The following SLC17A4 variants were observed in gnomAD, a reference collection of about 807,000 sequenced individuals.
SLC17A4 encodes the protein solute carrier family 17 member 4.
SLC17A4 carries 33 observed loss-of-function variants against 52.5 expected under a neutral mutation model. The observed-to-expected ratio is 0.63, with a 90% CI of 0.48 to 0.84. The LOEUF (loss-of-function observed/expected upper bound fraction) is 0.84. Among genes scored for constraint, SLC17A4 ranks in the 40% least tolerant of loss-of-function variants. The pLI, the probability that SLC17A4 is intolerant of heterozygous loss-of-function variation, is 0.00. For missense variants in SLC17A4, 585 were observed against 597.1 expected, an observed-to-expected ratio of 0.98 and a Z score of 0.21; for synonymous variants, 225 against 216.2, an observed-to-expected ratio of 1.04 and a Z score of -0.36.
Position 25,768,992 on chromosome 6 carries a change from T to C in SLC17A4, c.99T>C (p.Cys33=). Residue 33 remains cysteine (C), a synonymous_variant, in exon 3 of 12, where the codon TGT becomes TGC. Coordinates refer to ENST00000377905, the MANE Select transcript of SLC17A4 (RefSeq NM_005495.3). ...AQEECSRKGF[C]SVRHGLALIL... The stretch of plus-strand genomic sequence containing the variant: ...ATGCCCTTTTCCTCTCAGGTTTTTG[T>C]TCAGTCCGACATGGGCTGGCCCTCA... The C allele has an allele frequency of 6.2e-7, 1 of 1,614,040 alleles. No homozygotes were observed.
chr6:25,773,358 G>C lies in SLC17A4; in HGVS notation c.790G>C (p.Glu264Gln). 6.2e-7 allele frequency: 1 copy of C among 1,613,924 alleles called. No individual in the cohort carries two copies. The highest frequency in any genetic ancestry group is 1.1e-5 in the South Asian group (1 of 91,064). The change falls in exon 7 of 12, where the codon GAG (glutamate) becomes CAG (glutamine). Residue 264 changes from glutamate to glutamine, a missense_variant. Physicochemically the swap from Glu to Gln is conservative, Grantham distance 29. Coordinates refer to ENST00000377905, the MANE Select transcript of SLC17A4 (RefSeq NM_005495.3). ...GAATCATCCCTTTATCAGTGCTGGT[G>C]AGAAGAGATACATTGTGTGTTCATT... The part of the protein sequence containing the change: ...PVNHPFISAG[E>Q]KRYIVCSLAQ...
chr6:25,760,164 G>A (rs983365080), intron 1 of SLC17A4, among the ~76,000 whole-genome samples: 1 of 152,144 alleles, frequency 6.6e-6, no homozygotes, highest in African/African-American at 2.4e-5. Context: ...ATAGGATCTG[G>A]TTCTTTTAAT....
intron 1 of SLC17A4, among the ~76,000 whole-genome samples, chr6:25,758,737 A>G (rs572898811): frequency 2.0e-5 from 1 of 50,602 alleles, no homozygotes; most frequent in East Asian, 3.4e-3. Flanking sequence ...TTTTCAAAGA[A>G]CCAGCTTTTT....
At chr6:25,775,387 C>T (rs1319331437) in intron 8 of SLC17A4, among the ~76,000 whole-genome samples, 1 of 151,770 alleles carries the variant, frequency 6.6e-6, no homozygotes, top group Non-Finnish European at 1.5e-5. Flanking sequence ...CCTAATCTGC[C>T]CTGTCCTCCC....
At chr6:25,769,981 C>A in intron 3 of SLC17A4, 86 bp from the exon 4 acceptor site, 1 of 1,119,014 alleles carries the variant, frequency 8.9e-7, no homozygotes, top group Non-Finnish European at 1.3e-6. Context: ...AGATAACTGC[C>A]AATTAATTTT....
chr6:25,779,125 C>T lies in SLC17A4; in HGVS notation c.1431C>T (p.Tyr477=), dbSNP rs760896820. The change falls in exon 12 of 12, where the codon TAC becomes TAT. Residue 477 remains tyrosine, a synonymous_variant. Transcript: ENST00000377905. ...TTAACATATCGGGCCTGGTTTTCTA[C>T]CTCATCTTTGGCCGAGCAGATGTGC... ...AAVNISGLVF[Y]LIFGRADVQD... The T allele has an allele frequency of 6.2e-7, 1 of 1,613,946 alleles. No homozygotes were observed. The highest frequency in any genetic ancestry group is 2.2e-5 in the East Asian group (1 of 44,882).
rs1316663938 is a variant in SLC17A4, at chr6:25,773,342, C to A, written c.774C>A (p.Pro258=). The A allele has an allele frequency of 6.2e-7, 1 of 1,613,876 alleles. No homozygotes were observed. The highest frequency in any genetic ancestry group is 8.5e-7 in the Non-Finnish European group (1 of 1,179,916). The change falls in exon 7 of 12, where the codon CCC becomes CCA. Residue 258 remains proline, a synonymous_variant. Coordinates refer to ENST00000377905, the MANE Select transcript of SLC17A4 (RefSeq NM_005495.3). ...TTTATGATGATCCTGTGAATCATCC[C>A]TTTATCAGTGCTGGTGAGAAGAGAT... The part of the protein sequence containing the change: ...PLIYDDPVNH[P]FISAGEKRYI...
intron 2 of SLC17A4, among the ~76,000 whole-genome samples, chr6:25,764,945 A>G (rs1761881496): frequency 6.6e-6 from 1 of 152,238 alleles, no homozygotes; most frequent in Admixed American, 6.5e-5. Context: ...TACAGTAGTT[A>G]GCTTCCCTTG....
chr6:25,768,942 A>G, intron 2 of SLC17A4, 43 bp from the exon 3 acceptor site: 1 of 1,574,836 alleles, frequency 6.3e-7, no homozygotes, highest in Non-Finnish European at 8.7e-7. Context: ...AGAGTGGGAG[A>G]AAAGCATTCT....
rs760216618 is a variant in SLC17A4 at position 25,776,958 on chromosome 6, C to T, written c.1267C>T (p.Arg423Trp). The T allele has an allele frequency of 8.7e-6, 14 of 1,608,696 alleles. No individual in the cohort carries two copies. The Middle Eastern group carries it at 5.0e-4, about 57-fold the overall frequency. Residue 423 changes from arginine to tryptophan, a missense_variant and splice_region_variant, in exon 10 of 12, where the codon CGG (arginine) becomes TGG (tryptophan). Physicochemically the swap from Arg to Trp is moderately radical, Grantham distance 101. Transcript: ENST00000377905. ...TGTTAACTTCTTGGATATTGCTCCT[C>T]GGTAGGGACCTCTTTTGCCTCATCC... The part of the protein sequence containing the change: ...ALVNFLDIAP[R>W]YTGFLKGLLQ...
chr6:25,771,578 GAA>G (rs66832906), intron 6 of SLC17A4, among the ~76,000 whole-genome samples: 3 of 148,788 alleles, frequency 2.0e-5, no homozygotes, highest in Non-Finnish European at 4.5e-5. Flanking sequence ...TGTCTCAAGA[GAA>G]AAAAAAAAAG....
At position 25,773,638 on chromosome 6, in the gene SLC17A4, G is replaced by T. The variant is rs146741384; in HGVS notation, c.951G>T (p.Thr317=). Residue 317 remains threonine (T), a synonymous_variant, in exon 8 of 12, where the codon ACG becomes ACT. Transcript: ENST00000377905. ...ATACCATTATGGCGTACACACCAACGTACATCAGCTCGGTACTTCAAGCCA... is the reference window on the plus strand; with the variant it reads ...ATACCATTATGGCGTACACACCAACTTACATCAGCTCGGTACTTCAAGCCA... The part of the protein sequence containing the change: ...LFYTIMAYTP[T]YISSVLQANL... The T allele has an allele frequency of 1.2e-6, 2 of 1,613,800 alleles. No individual in the cohort carries two copies. The highest frequency in any genetic ancestry group is 2.7e-5 in the African/African-American group (2 of 75,022).
Position 25,779,331 on chromosome 6 carries a change from A to C in SLC17A4, c.*143A>C. The C allele has an allele frequency of 8.6e-7, 1 of 1,160,408 alleles. No homozygotes were observed. Among genetic ancestry groups the C allele is most frequent in the Non-Finnish European group, 1.2e-6 (1 of 833,444 alleles). The allele number at this position is 1,160,408 out of a possible 1,614,324, so 71.9% of individuals were successfully genotyped here. A position where few individuals can be genotyped will look rare whatever the true frequency, so the allele number is the denominator to read the frequency against. On this transcript the variant is annotated 3_prime_UTR_variant, in exon 12 of 12. Transcript: ENST00000377905. ...CGCTAAAGATTTTACCATGCCTGGA[A>C]ATTTTACAGGGGAAGAAAACACGCT...
In SLC17A4 at chr6:25,780,696, T is replaced by A. The variant is rs946658514; in HGVS notation, c.*1508T>A. On this transcript the variant is annotated 3_prime_UTR_variant, in exon 12 of 12. Transcript: ENST00000377905. ...TCCTGGTTTTCAAAGGCACTCTGCA[T>A]GAGAGATTAGGTTGGAGTAGGAGCT... 3.9e-5 allele frequency: 6 copies of A among 152,202 alleles called. No individual in the cohort carries two copies. In the East Asian group the frequency reaches 1.2e-3, roughly 29 times the overall value. The allele number at this position is 152,202 out of a possible 1,614,324, so 9.4% of individuals were successfully genotyped here. A position where few individuals can be genotyped will look rare whatever the true frequency, so the allele number is the denominator to read the frequency against.
chr6:25,773,485 G>C, intron 7 of SLC17A4, 28 bp from the exon 8 acceptor site: 1 of 1,613,088 alleles, frequency 6.2e-7, no homozygotes, highest in African/African-American at 1.3e-5. Flanking sequence ...TTCTGACGGA[G>C]GGGACATTGA....
At chr6:25,765,550 T>C (rs756255001) in intron 2 of SLC17A4, among the ~76,000 whole-genome samples, 5 of 152,038 alleles carry the variant, frequency 3.3e-5, no homozygotes, top group Non-Finnish European at 5.9e-5. Context: ...TTCTCAATAA[T>C]GACAATAACA....
At chr6:25,758,690 GGTTA>G (rs1254095094) in intron 1 of SLC17A4, among the ~76,000 whole-genome samples, 5 of 151,884 alleles carry the variant, frequency 3.3e-5, no homozygotes, top group Non-Finnish European at 7.4e-5. Context: ...TTTTTTCCTT[GGTTA>G]GTGTCGCTGA....
chr6:25,777,800 G>C (rs1292377488), intron 10 of SLC17A4, 126 bp from the exon 11 acceptor site: 1 of 715,866 alleles, frequency 1.4e-6, no homozygotes, highest in Non-Finnish European at 2.4e-6. Context: ...TAAGCACAGA[G>C]TTGCAGCAGA....
At chr6:25,765,149 G>C (rs1317817) in intron 2 of SLC17A4, among the ~76,000 whole-genome samples, 1 of 151,966 alleles carries the variant, frequency 6.6e-6, no homozygotes, top group Non-Finnish European at 1.5e-5. Context: ...AGGAACCTAC[G>C]TAAATATGTT....
Sources: gnomAD v4.1 joint callset for allele counts (sites outside exome capture counted in the v4.1 genomes callset) on GRCh38, gnomAD v4.1.1 for gene constraint, MANE v1.5 for transcripts, NCBI Gene and HGNC (gene_info 2026-07-23, HGNC 2026-07-21) for gene names.